Variants in CFAP100 observed in about 807,000 individuals in gnomAD.
The protein encoded by CFAP100 is cilia- and flagella-associated protein 100.
Under a neutral mutation model 81.5 loss-of-function variants are expected in CFAP100, and 70 were observed. That is an observed-to-expected ratio of 0.86 (90% CI 0.71 to 1.05). The LOEUF (loss-of-function observed/expected upper bound fraction) is 1.05, where lower values mean the gene tolerates loss of function less well. Ranked by LOEUF, CFAP100 falls within the 50% of genes least tolerant of loss-of-function variation. CFAP100 has a pLI of 0.00. For missense variants in CFAP100, 811 were observed against 776.5 expected (o/e 1.04, Z -0.53); for synonymous variants, 341 against 314.8 (o/e 1.08, Z -0.88).
chr3:126,425,437 G>A (rs534532758), intron 13 of CFAP100, among the ~76,000 whole-genome samples: 2 of 152,334 alleles, frequency 1.3e-5, no homozygotes, highest in African/African-American at 4.8e-5. Context: ...AAAAGGGAAA[G>A]CCCCAGGCTC....
intron 2 of CFAP100, 46 bp from the exon 3 acceptor site, chr3:126,407,126 G>T: frequency 7.3e-7 from 1 of 1,377,744 alleles, no homozygotes. Flanking sequence ...AGTTCTCATG[G>T]GCCAGGGGAG....
At chr3:126,402,455 G>A (rs563312481) in intron 2 of CFAP100, among the ~76,000 whole-genome samples, 57 of 152,308 alleles carry the variant, frequency 3.7e-4, no homozygotes, top group African/African-American at 1.3e-3. Context: ...AGGAAGGAAC[G>A]GTGAGGTGAG....
chr3:126,416,454 G>T lies in CFAP100; in HGVS notation c.364G>T (p.Glu122Ter). Residue 122 changes from glutamate (E) to a stop codon, truncating the protein, a stop_gained, in exon 5 of 17, where the codon GAG (glutamate) becomes TAG (stop). Transcript: ENST00000352312. LOFTEE classifies it high-confidence loss of function. Reference protein sequence around the residue: ...QEDLEARAEAEHQRAFRDYTT... With the variant: ...QEDLEARAEA ...GGACCTGGAGGCGCGCGCCGAGGCC[G>T]AGCATCAGCGCGCCTTCCGCGACTA... 1 of 1,608,424 alleles carries T rather than the reference G, an allele frequency of 6.2e-7. No individual in the cohort carries two copies. Among genetic ancestry groups the T allele is most frequent in the Non-Finnish European group, 8.5e-7 (1 of 1,177,990 alleles).
chr3:126,407,804 G>A (rs1384505512), intron 3 of CFAP100, among the ~76,000 whole-genome samples: 2 of 152,320 alleles, frequency 1.3e-5, no homozygotes, highest in African/African-American at 2.4e-5. Flanking sequence ...TGCTGCCACC[G>A]TTAGGAGGAA....
intron 13 of CFAP100, among the ~76,000 whole-genome samples, chr3:126,428,043 C>T (rs1933025880): frequency 6.6e-6 from 1 of 152,150 alleles, no homozygotes; most frequent in South Asian, 2.1e-4. Flanking sequence ...CCCCATGATC[C>T]AATCACCTCC....
intron 15 of CFAP100, among the ~76,000 whole-genome samples, chr3:126,435,036 C>T (rs945543268): frequency 2.6e-5 from 4 of 152,270 alleles, no homozygotes; most frequent in Admixed American, 2.0e-4. Flanking sequence ...GTGCAGGGCT[C>T]TGAGACAGCG....
Position 126,395,959 on chromosome 3 carries a change from A to G in CFAP100, c.-42A>G, listed in dbSNP as rs766409483. 22 of 1,530,226 alleles carry G rather than the reference A, an allele frequency of 1.4e-5. No individual in the cohort carries two copies. In the Admixed American group the frequency reaches 3.7e-4, roughly 26 times the overall value. The allele number at this position is 1,530,226 out of a possible 1,614,324, so 94.8% of individuals were successfully genotyped here. A position where few individuals can be genotyped will look rare whatever the true frequency, so the allele number is the denominator to read the frequency against. On this transcript the variant is annotated 5_prime_UTR_variant, in exon 2 of 17. Transcript: ENST00000352312. ...CTCCTCAGGTGAGGATCTCCTTTAG[A>G]AGAGGAGAAGCCTTGCATCAACCTC...
chr3:126,421,445 A>T (rs1451220493), intron 11 of CFAP100, among the ~76,000 whole-genome samples: 2 of 152,240 alleles, frequency 1.3e-5, no homozygotes, highest in African/African-American at 4.8e-5. Flanking sequence ...AGTCACTAAA[A>T]TATTCTCCTG....
At chr3:126,420,594 G>A (rs1428502058) in intron 11 of CFAP100, 1 of 254,162 alleles carries the variant, frequency 3.9e-6, no homozygotes, top group Non-Finnish European at 7.7e-6. Flanking sequence ...TCTGGCTGGG[G>A]TGTGGACAGT....
intron 3 of CFAP100, among the ~76,000 whole-genome samples, chr3:126,409,217 C>A (rs998284698): frequency 2.0e-5 from 3 of 152,212 alleles, no homozygotes; most frequent in Non-Finnish European, 4.4e-5. Context: ...CCCACCAAAC[C>A]ACTGGCTCTC....
At chr3:126,409,117 A>G (rs1340031595) in intron 3 of CFAP100, among the ~76,000 whole-genome samples, 2 of 152,084 alleles carry the variant, frequency 1.3e-5, no homozygotes, top group African/African-American at 2.4e-5. Flanking sequence ...AAATGTGTAC[A>G]ATGTGTTTCC....
Position 126,419,072 on chromosome 3 carries a change from C to A in CFAP100, c.651-4C>A. The A allele has an allele frequency of 1.3e-6, 2 of 1,554,328 alleles. No homozygotes were observed. Among genetic ancestry groups the A allele is most frequent in the African/African-American group, 1.4e-5 (1 of 73,394 alleles). On this transcript the variant is annotated splice_polypyrimidine_tract_variant and splice_region_variant and intron_variant, in intron 7 of 16. Transcript: ENST00000352312. The stretch of plus-strand genomic sequence containing the variant: ...TCCCTCCTCCCCCGCCGCCCAACCC[C>A]TAGGGCTGAGAAGGAGACCAAAGCC...
chr3:126,430,256 CAAATAT>C (rs1158122206), intron 13 of CFAP100, among the ~76,000 whole-genome samples: 1 of 152,012 alleles, frequency 6.6e-6, no homozygotes, highest in African/African-American at 2.4e-5. Context: ...TTATTAGGTA[CAAATAT>C]AAAGTTGGAT....
chr3:126,401,935 C>T (rs903414680), intron 2 of CFAP100, among the ~76,000 whole-genome samples: 7 of 152,204 alleles, frequency 4.6e-5, no homozygotes, highest in Non-Finnish European at 7.3e-5. Context: ...CACGCTGTCA[C>T]CACACTCCCC....
At chr3:126,414,931 C>A (rs1458350440) in intron 4 of CFAP100, among the ~76,000 whole-genome samples, 1 of 152,216 alleles carries the variant, frequency 6.6e-6, no homozygotes, top group African/African-American at 2.4e-5. Context: ...CCCAAGGCAG[C>A]AACAGCTACA....
chr3:126,418,997 G>A, intron 7 of CFAP100, 79 bp from the exon 8 acceptor site: 2 of 1,006,796 alleles, frequency 2.0e-6, no homozygotes, highest in Non-Finnish European at 2.9e-6. Context: ...GGGCCTGTGG[G>A]TGGTGTGCTC....
chr3:126,424,911 CA>C (rs1375417324), intron 13 of CFAP100, among the ~76,000 whole-genome samples: 3 of 152,224 alleles, frequency 2.0e-5, no homozygotes, highest in Non-Finnish European at 1.5e-5. Flanking sequence ...GCGGGAACAG[CA>C]GGTGCAAAGG....
intron 3 of CFAP100, among the ~76,000 whole-genome samples, chr3:126,410,466 T>A (rs1360846862): frequency 6.6e-6 from 1 of 152,170 alleles, no homozygotes; most frequent in African/African-American, 2.4e-5. Context: ...TGGCATTATT[T>A]TCTCTTCCTT....
chr3:126,426,858 C>G (rs1045113461), intron 13 of CFAP100, among the ~76,000 whole-genome samples: 1 of 152,206 alleles, frequency 6.6e-6, no homozygotes, highest in African/African-American at 2.4e-5. Context: ...CAATGGCTTT[C>G]TCATATACCA....
Sources: gnomAD v4.1 joint callset for allele counts (sites outside exome capture counted in the v4.1 genomes callset) on GRCh38, gnomAD v4.1.1 for gene constraint, MANE v1.5 for transcripts, NCBI Gene and HGNC (gene_info 2026-07-23, HGNC 2026-07-21) for gene names.